The following KAZN variants were observed in gnomAD, a reference collection of about 807,000 sequenced individuals.
KAZN encodes kazrin, periplakin interacting protein, also known as kazrin.
In KAZN, 40 loss-of-function variants were observed where a neutral mutation model predicts 87.4. That is an observed-to-expected ratio of 0.46 (90% CI 0.36 to 0.60). The LOEUF is 0.60. KAZN is among the 20% of genes least tolerant of loss of function. The probability of loss-of-function intolerance (pLI) is 0.00; values close to 1 mark genes in which losing one functional copy is unlikely to be tolerated. For synonymous variants in KAZN, 466 were observed against 458.3 expected, an observed-to-expected ratio of 1.02 and a Z score of -0.22; for missense variants, 898 against 1,073.9, an observed-to-expected ratio of 0.84 and a Z score of 2.29.
intron 1 of KAZN, among the ~76,000 whole-genome samples, chr1:14,936,929 C>A (rs1660526117): frequency 6.6e-6 from 1 of 152,100 alleles, no homozygotes; most frequent in Non-Finnish European, 1.5e-5. Context: ...GAGCTCAGGG[C>A]CTGTCTGTCC....
At position 14,820,322 on chromosome 1, in the gene KAZN, G is replaced by C. The variant is rs1014630743; in HGVS notation, c.227-140362G>C. Among the ~76,000 whole-genome samples, 1 of 152,204 alleles carries C rather than the reference G, an allele frequency of 6.6e-6. No individual in the cohort carries two copies. The highest frequency in any genetic ancestry group is 2.4e-5 in the African/African-American group (1 of 41,446). On this transcript the variant is annotated intron_variant, in intron 1 of 14. Transcript: ENST00000376030. This position sits in a 1 kb window ranked among gnomAD's most constrained non-coding sequence, Gnocchi z 4.1. ...CTTCAGGGCTTTTGAGGGTTACTTA[G>C]CCAAGTCATTGCCTCTGTTCCCGGA...
At position 15,061,109 on chromosome 1, in the gene KAZN, C is replaced by G. The variant is rs190553002; in HGVS notation, c.1047+807C>G. On this transcript the variant is annotated intron_variant, in intron 6 of 14. Transcript: ENST00000376030. ...AACTCAGTTAATGTCACTTTATTAA[C>G]CAGCGAAATAGATAATAAAAAAGAA... The G allele has an allele frequency of 2.0e-5, 3 of 152,236 alleles. No homozygotes were observed. In the East Asian group the frequency reaches 5.8e-4, roughly 29 times the overall value. 9.4% of individuals were successfully genotyped at this position (152,236 alleles called of 1,614,324 possible).
intron 1 of KAZN, among the ~76,000 whole-genome samples, chr1:14,069,720 G>A (rs1643164907): frequency 6.6e-6 from 1 of 152,134 alleles, no homozygotes; most frequent in Non-Finnish European, 1.5e-5. Flanking sequence ...TTCATGAAGG[G>A]CAGGGGCTAT....
chr1:14,612,941 C>A (rs1308156695), intron 1 of KAZN, among the ~76,000 whole-genome samples: 2 of 152,190 alleles, frequency 1.3e-5, no homozygotes, highest in African/African-American at 4.8e-5. Context: ...TATGAATTCT[C>A]TCCCCTTTGA....
chr1:14,258,096 G>A (rs893479759), intron 2 of KAZN, among the ~76,000 whole-genome samples: 3 of 151,090 alleles, frequency 2.0e-5, no homozygotes, highest in African/African-American at 7.3e-5. Flanking sequence ...AGAGAGGAGA[G>A]CCTGAGACCC....
chr1:14,078,932 C>T (rs1162223358), intron 1 of KAZN, among the ~76,000 whole-genome samples: 1 of 152,192 alleles, frequency 6.6e-6, no homozygotes, highest in African/African-American at 2.4e-5. Flanking sequence ...GTGATCCGCC[C>T]ACCTCAGCCT....
chr1:13,930,077 C>G lies in KAZN; in HGVS notation c.91+36321C>G, dbSNP rs1640449526. Among the ~76,000 whole-genome samples the G allele has an allele frequency of 2.6e-5, 4 of 152,178 alleles. No individual in the cohort carries two copies. In the South Asian group the frequency reaches 8.3e-4, roughly 32 times the overall value. On this transcript the variant is annotated intron_variant, in intron 1 of 16. Transcript: ENST00000636203. ...CTTCTCTGTATATTATATAGCCACA[C>G]TGTTTGCCATGTGACTTTGCTATGC...
At chr1:14,224,580 C>T (rs1163541902) in intron 2 of KAZN, among the ~76,000 whole-genome samples, 1 of 152,160 alleles carries the variant, frequency 6.6e-6, no homozygotes, top group African/African-American at 2.4e-5. Context: ...AGAGCCCATA[C>T]AGGTTAGTAC....
chr1:14,465,417 A>AT (rs61362350), intron 2 of KAZN, among the ~76,000 whole-genome samples: 1 of 150,580 alleles, frequency 6.6e-6, no homozygotes, highest in African/African-American at 2.4e-5. Flanking sequence ...AAAAAAAAAA[A>AT]GCTTCACCCA....
At chr1:14,883,960 T>G (rs1049317737) in intron 1 of KAZN, among the ~76,000 whole-genome samples, 1 of 152,154 alleles carries the variant, frequency 6.6e-6, no homozygotes, top group African/African-American at 2.4e-5. Flanking sequence ...GGTACAGGAA[T>G]GGGGTCCTTA....
At chr1:15,006,595 A>G (rs556546017) in intron 2 of KAZN, among the ~76,000 whole-genome samples, 1 of 152,360 alleles carries the variant, frequency 6.6e-6, no homozygotes, top group East Asian at 1.9e-4. Flanking sequence ...AATACCTACT[A>G]TGTTCCAGAC....
At chr1:13,982,382 CT>C (rs1377562340) in intron 1 of KAZN, among the ~76,000 whole-genome samples, 1 of 152,188 alleles carries the variant, frequency 6.6e-6, no homozygotes, top group Non-Finnish European at 1.5e-5. Flanking sequence ...GAGTTTCTTC[CT>C]TCTGGTGGGT....
At chr1:14,054,224 A>C (rs1267716552) in intron 1 of KAZN, among the ~76,000 whole-genome samples, 5 of 152,240 alleles carry the variant, frequency 3.3e-5, no homozygotes, top group African/African-American at 1.2e-4. Context: ...TTCTAAGGTC[A>C]ACTGTATAAT....
In KAZN at chr1:14,016,853, T is replaced by A. The variant is rs189533429; in HGVS notation, c.91+123097T>A. ...GGATTTGCCTTTGTGCTGCTCTTAC[T>A]GTATTAAAAAATAAATGTGGTAATT... On this transcript the variant is annotated intron_variant, in intron 1 of 16. Coordinates refer to the KAZN transcript ENST00000636203. Among the ~76,000 whole-genome samples the A allele has an allele frequency of 2.6e-5, 4 of 152,330 alleles. No individual in the cohort carries two copies. In the East Asian group the frequency reaches 7.7e-4, roughly 29 times the overall value.
At chr1:14,700,439 C>T (rs961443291) in intron 1 of KAZN, among the ~76,000 whole-genome samples, 2 of 151,778 alleles carry the variant, frequency 1.3e-5, no homozygotes, top group African/African-American at 4.8e-5. Context: ...CCACTGCACT[C>T]CAGCCTGGGC....
At chr1:13,895,571 TAAGTCAAAAGAGCTCACTCA>T (rs1429923157) in intron 1 of KAZN, among the ~76,000 whole-genome samples, 4 of 151,114 alleles carry the variant, frequency 2.6e-5, no homozygotes, top group Admixed American at 2.6e-4. Context: ...TCATTAACCT[TAAGTCAAAAGAGCTCACTCA>T]ATTAGGACGC....
chr1:14,331,846 T>C (rs1656881056), intron 2 of KAZN, among the ~76,000 whole-genome samples: 1 of 152,258 alleles, frequency 6.6e-6, no homozygotes. Flanking sequence ...TGCATTTGTA[T>C]GCACGCTTTA....
At chr1:14,997,160 C>T (rs1280220495) in intron 2 of KAZN, among the ~76,000 whole-genome samples, 1 of 152,052 alleles carries the variant, frequency 6.6e-6, no homozygotes, top group Non-Finnish European at 1.5e-5. Context: ...GTCTCAGTTC[C>T]TTCATGCATT....
chr1:13,987,974 A>G (rs115990093), intron 1 of KAZN, among the ~76,000 whole-genome samples: 190 of 152,290 alleles, frequency 1.2e-3, no homozygotes, highest in Non-Finnish European at 2.2e-3. Context: ...GAAGGGCAAG[A>G]AAGGATGAGA....
Sources: gnomAD v4.1 joint callset for allele counts (sites outside exome capture counted in the v4.1 genomes callset) on GRCh38, gnomAD v4.1.1 for gene constraint, Gnocchi (gnomAD v3.1) non-coding constraint, MANE v1.5 for transcripts, NCBI Gene and HGNC (gene_info 2026-07-23, HGNC 2026-07-21) for gene names.